MCPH1: variants seen among roughly 807,000 people sequenced by gnomAD.
MCPH1 encodes microcephalin.
Under a neutral mutation model 84.5 loss-of-function variants are expected in MCPH1, and 104 were observed. The ratio of observed to expected loss-of-function variants is 1.23; its 90% CI spans 1.05 to 1.45. MCPH1 has a LOEUF of 1.45. MCPH1 is among the 40% of genes most tolerant of loss of function. MCPH1 has a pLI of 0.00. For missense variants in MCPH1, 1,498 were observed against 1,005.7 expected (o/e 1.49, Z -6.62); for synonymous variants, 514 against 366.8 (o/e 1.40, Z -4.58).
intron 12 of MCPH1, among the ~76,000 whole-genome samples, chr8:6,530,914 C>T (rs1819382200): frequency 6.6e-6 from 1 of 152,220 alleles, no homozygotes; most frequent in African/African-American, 2.4e-5. Flanking sequence ...CCTCTCCTGG[C>T]TGACGTCTAG....
At chr8:6,413,320 C>G (rs371767282) in intron 2 of MCPH1, among the ~76,000 whole-genome samples, 3 of 151,834 alleles carry the variant, frequency 2.0e-5, no homozygotes, top group Non-Finnish European at 2.9e-5. Flanking sequence ...ATTACCCACT[C>G]TTTTAATATT....
rs1031004459 is a variant in MCPH1 at position 6,486,415 on chromosome 8, C to A, written c.2136+5539C>A. Reference sequence around the variant, plus strand: ...TATAAACTGGCCTCCAAGAAAAACACTGCTGAGCATGTTTTTATTTCAGGG... The same window carrying A: ...TATAAACTGGCCTCCAAGAAAAACAATGCTGAGCATGTTTTTATTTCAGGG... On this transcript the variant is annotated intron_variant, in intron 11 of 13. Coordinates refer to ENST00000344683, the MANE Select transcript of MCPH1 (RefSeq NM_024596.5). Among the ~76,000 whole-genome samples, 2 of 152,126 alleles carry A rather than the reference C, an allele frequency of 1.3e-5. 1 individual carries two copies. Among genetic ancestry groups the A allele is most frequent in the Non-Finnish European group, 2.9e-5 (2 of 68,042 alleles).
At chr8:6,619,956 C>T (rs560600868) in intron 12 of MCPH1, among the ~76,000 whole-genome samples, 164 of 152,342 alleles carry the variant, frequency 1.1e-3, no homozygotes, top group African/African-American at 3.8e-3. Context: ...TTTCTTGATT[C>T]CATTTCCATG....
At chr8:6,611,124 A>ACACAGT (rs1554477011) in intron 12 of MCPH1, among the ~76,000 whole-genome samples, 1 of 133,620 alleles carries the variant, frequency 7.5e-6, no homozygotes, top group African/African-American at 3.2e-5. Flanking sequence ...TCTCTCACAC[A>ACACAGT]CACACTCACA....
Position 6,520,141 on chromosome 8 carries a change from GTTTCC to G in MCPH1, c.2214+20217_2214+20221del, listed in dbSNP as rs144393044. On this transcript the variant is annotated intron_variant, in intron 12 of 13. Transcript: ENST00000344683. The stretch of plus-strand genomic sequence containing the variant: ...ACCACTTTTTTAACCTTTCTAGAAA[GTTTCC>G]TTTCAGCCTGTTTTCTTCTTAATTC... 2.5e-3 allele frequency: 2,083 copies of G among 835,694 alleles called. 7 individuals carry two copies. Among genetic ancestry groups the G allele is most frequent in the Middle Eastern group, 4.2e-3 (11 of 2,624 alleles). The allele number at this position is 835,694 out of a possible 1,614,324, so 51.8% of individuals were successfully genotyped here.
At chr8:6,501,235 A>G (rs539474725) in intron 12 of MCPH1, 1 of 152,342 alleles carries the variant, frequency 6.6e-6, no homozygotes, top group East Asian at 1.9e-4. Flanking sequence ...TGTGTGTTCT[A>G]AAACTACGTC....
chr8:6,442,420 G>C (rs950980222), intron 7 of MCPH1, among the ~76,000 whole-genome samples: 1 of 152,038 alleles, frequency 6.6e-6, no homozygotes, highest in African/African-American at 2.4e-5. Flanking sequence ...TATTGTGAAC[G>C]TATATGAACT....
At chr8:6,601,780 C>A (rs1829394945) in intron 12 of MCPH1, among the ~76,000 whole-genome samples, 1 of 150,996 alleles carries the variant, frequency 6.6e-6, no homozygotes, top group Admixed American at 6.6e-5. Context: ...CAATCACGTA[C>A]CACATATACC....
chr8:6,578,786 T>C (rs930351176), intron 12 of MCPH1, among the ~76,000 whole-genome samples: 8 of 152,288 alleles, frequency 5.3e-5, no homozygotes, highest in Admixed American at 5.2e-4. Context: ...TAAAGGCAGG[T>C]GGCACCTGGT....
intron 9 of MCPH1, among the ~76,000 whole-genome samples, chr8:6,457,345 T>C (rs2920668): frequency 0.28 from 43,069 of 151,716 alleles, 8,382 homozygotes; most frequent in African/African-American, 0.56. Context: ...ATAATCCCGG[T>C]ACTTTGGGGC....
At chr8:6,510,877 A>C (rs1364106142) in intron 12 of MCPH1, among the ~76,000 whole-genome samples, 1 of 152,210 alleles carries the variant, frequency 6.6e-6, no homozygotes, top group East Asian at 1.9e-4. Flanking sequence ...TGTGAGTCTC[A>C]GTATTTTCCC....
chr8:6,631,278 C>T (rs972552913), intron 13 of MCPH1, among the ~76,000 whole-genome samples: 3 of 152,070 alleles, frequency 2.0e-5, no homozygotes, highest in African/African-American at 7.2e-5. Flanking sequence ...AAGAGGTGGG[C>T]ACAGCTCATG....
At chr8:6,601,751 C>CAA (rs1563174196) in intron 12 of MCPH1, among the ~76,000 whole-genome samples, 8 of 144,362 alleles carry the variant, frequency 5.5e-5, no homozygotes, top group African/African-American at 2.3e-4. Flanking sequence ...TATACCCACA[C>CAA]CACACACACA....
chr8:6,581,269 C>G (rs539119117), intron 12 of MCPH1, among the ~76,000 whole-genome samples: 16 of 152,156 alleles, frequency 1.1e-4, no homozygotes, highest in Admixed American at 4.6e-4. Flanking sequence ...TATTTATATC[C>G]TACTGTTCAA....
At chr8:6,563,044 G>C (rs1318248168) in intron 12 of MCPH1, 2 of 1,246,974 alleles carry the variant, frequency 1.6e-6, no homozygotes, top group Non-Finnish European at 1.1e-6. Flanking sequence ...GCCATGGCTG[G>C]GTCCGTCAAT....
intron 12 of MCPH1, among the ~76,000 whole-genome samples, chr8:6,532,128 C>T (rs1008250197): frequency 5.3e-5 from 8 of 152,142 alleles, no homozygotes; most frequent in African/African-American, 1.9e-4. Flanking sequence ...TGAAATTTAA[C>T]CTCAGTATTA....
Position 6,445,434 on chromosome 8 carries a change from C to A in MCPH1, c.1712C>A (p.Ser571Ter), listed in dbSNP as rs371010315. 1 of 1,614,110 alleles carries A rather than the reference C, an allele frequency of 6.2e-7. No homozygotes were observed. Among genetic ancestry groups the A allele is most frequent in the Non-Finnish European group, 8.5e-7 (1 of 1,180,056 alleles). ...AACAAAGGTACCACTTCCAAAATATCAAACTCCTCTGAAGGCGAAGCCCAG... is the reference window on the plus strand; with the variant it reads ...AACAAAGGTACCACTTCCAAAATATAAAACTCCTCTGAAGGCGAAGCCCAG... ...TQNKGTTSKI[S>*]NSSEGEAQSE... The change falls in exon 8 of 14, where the codon TCA becomes TAA. Residue 571 changes from serine to a stop codon, truncating the protein, a stop_gained. Coordinates refer to ENST00000344683, the MANE Select transcript of MCPH1 (RefSeq NM_024596.5). LOFTEE classifies it high-confidence loss of function.
intron 9 of MCPH1, among the ~76,000 whole-genome samples, chr8:6,462,864 G>C (rs1371580979): frequency 1.3e-5 from 2 of 152,216 alleles, no homozygotes; most frequent in African/African-American, 4.8e-5. Context: ...TTCAGCACCA[G>C]CTTGGGTGAG....
intron 12 of MCPH1, among the ~76,000 whole-genome samples, chr8:6,608,313 C>T (rs551522390): frequency 6.6e-5 from 10 of 152,330 alleles, no homozygotes; most frequent in South Asian, 2.1e-4. Flanking sequence ...GAAAGGCAGA[C>T]GTCGGCCTAA....
Sources: gnomAD v4.1 joint callset for allele counts (sites outside exome capture counted in the v4.1 genomes callset) on GRCh38, gnomAD v4.1.1 for gene constraint, MANE v1.5 for transcripts, NCBI Gene and HGNC (gene_info 2026-07-23, HGNC 2026-07-21) for gene names.